The following FBXL7 variants were observed in gnomAD, a reference collection of about 807,000 sequenced individuals.
FBXL7 encodes F-box/LRR-repeat protein 7.
In FBXL7, 12 loss-of-function variants were observed where a neutral mutation model predicts 38.3. That is an observed-to-expected ratio of 0.31 (90% CI 0.20 to 0.51). The LOEUF (loss-of-function observed/expected upper bound fraction) is 0.51. FBXL7 is among the 20% of genes least tolerant of loss of function. FBXL7 has a pLI of 0.98. For missense variants in FBXL7, 567 were observed against 676.4 expected, an observed-to-expected ratio of 0.84 and a Z score of 1.79; for synonymous variants, 297 against 300.9, an observed-to-expected ratio of 0.99 and a Z score of 0.13.
chr5:15,745,831 GA>G, intron 2 of FBXL7, among the ~76,000 whole-genome samples: 1 of 152,292 alleles, frequency 6.6e-6, no homozygotes, highest in East Asian at 1.9e-4. Flanking sequence ...CTGTATGATG[GA>G]ATCCATTGGA....
chr5:15,553,254 A>T (rs1257744155), intron 1 of FBXL7, among the ~76,000 whole-genome samples: 4 of 152,132 alleles, frequency 2.6e-5, no homozygotes, highest in Non-Finnish European at 5.9e-5. Flanking sequence ...CTTATTTACC[A>T]TATGCCTTCT....
At chr5:15,730,844 A>C (rs1735561152) in intron 2 of FBXL7, among the ~76,000 whole-genome samples, 1 of 152,224 alleles carries the variant, frequency 6.6e-6, no homozygotes, top group African/African-American at 2.4e-5. Context: ...AAATATTGTT[A>C]TCATGGATGA....
At chr5:15,712,510 AGT>A (rs1356274691) in intron 2 of FBXL7, among the ~76,000 whole-genome samples, 2 of 152,124 alleles carry the variant, frequency 1.3e-5, no homozygotes, top group Non-Finnish European at 2.9e-5. Context: ...TATATTTTGA[AGT>A]GTTGCATTAA....
intron 2 of FBXL7, among the ~76,000 whole-genome samples, chr5:15,851,081 G>A (rs1739079819): frequency 6.6e-6 from 1 of 152,164 alleles, no homozygotes; most frequent in Admixed American, 6.5e-5. Context: ...TTGATAGACA[G>A]CATTGCTTGT....
At chr5:15,869,919 G>C (rs1739880072) in intron 2 of FBXL7, among the ~76,000 whole-genome samples, 1 of 152,064 alleles carries the variant, frequency 6.6e-6, no homozygotes, top group African/African-American at 2.4e-5. Flanking sequence ...AGACCAGCCT[G>C]GGCAACATGA....
At chr5:15,570,161 A>T (rs1738726429) in intron 1 of FBXL7, among the ~76,000 whole-genome samples, 1 of 152,312 alleles carries the variant, frequency 6.6e-6, no homozygotes, top group Admixed American at 6.5e-5. Context: ...TTTCAGAAGG[A>T]ATGGTACCAG....
chr5:15,644,258 AG>A (rs1741458267), intron 2 of FBXL7, among the ~76,000 whole-genome samples: 1 of 150,854 alleles, frequency 6.6e-6, no homozygotes, highest in African/African-American at 2.4e-5. Context: ...CAGGCATTCA[AG>A]ACCAGCCTGG....
chr5:15,569,758 T>C (rs557015794), intron 1 of FBXL7, among the ~76,000 whole-genome samples: 46 of 152,300 alleles, frequency 3.0e-4, no homozygotes, highest in Non-Finnish European at 5.1e-4. Flanking sequence ...ATTTTAGATA[T>C]GTCCCATCAA....
intron 2 of FBXL7, among the ~76,000 whole-genome samples, chr5:15,906,405 TA>T: frequency 6.6e-6 from 1 of 151,168 alleles, no homozygotes; most frequent in East Asian, 1.9e-4. Flanking sequence ...CCCCATTCTA[TA>T]GAGCTATTTT....
At chr5:15,816,960 G>A (rs770144709) in intron 2 of FBXL7, among the ~76,000 whole-genome samples, 50 of 152,094 alleles carry the variant, frequency 3.3e-4, no homozygotes, top group Middle Eastern at 3.2e-3. Flanking sequence ...ACACCTCTCC[G>A]AATTTCTGTG....
intron 2 of FBXL7, among the ~76,000 whole-genome samples, chr5:15,621,369 G>A (rs1037588527): frequency 1.8e-4 from 28 of 152,236 alleles, no homozygotes; most frequent in Middle Eastern, 3.4e-3. Context: ...GTAAGACACA[G>A]CTTAATTCTT....
chr5:15,779,061 G>A (rs77294437), intron 2 of FBXL7, among the ~76,000 whole-genome samples: 1,708 of 152,070 alleles, frequency 0.011, 15 homozygotes, highest in Non-Finnish European at 0.017. Flanking sequence ...TGACATATAC[G>A]CTTAGGATGG....
chr5:15,770,461 A>G (rs1736700308), intron 2 of FBXL7, among the ~76,000 whole-genome samples: 2 of 152,204 alleles, frequency 1.3e-5, no homozygotes, highest in Non-Finnish European at 2.9e-5. Flanking sequence ...GAATACAGCT[A>G]TGGTGAGTGG....
intron 2 of FBXL7, among the ~76,000 whole-genome samples, chr5:15,915,366 T>A (rs1355771381): frequency 6.6e-6 from 1 of 152,178 alleles, no homozygotes; most frequent in Admixed American, 6.5e-5. Flanking sequence ...TAGGATCCTT[T>A]CTTGCTTCTT....
At chr5:15,560,444 C>A (rs924717305) in intron 1 of FBXL7, among the ~76,000 whole-genome samples, 2 of 152,290 alleles carry the variant, frequency 1.3e-5, no homozygotes, top group South Asian at 2.1e-4. Flanking sequence ...TTCAGAACTA[C>A]AAATGGTTCC....
At chr5:15,760,217 A>G (rs1736401567) in intron 2 of FBXL7, among the ~76,000 whole-genome samples, 2 of 152,126 alleles carry the variant, frequency 1.3e-5, no homozygotes, top group Non-Finnish European at 2.9e-5. Context: ...TTTTATACCC[A>G]TTGTGCACAC....
At chr5:15,533,886 A>C (rs1206635197) in intron 1 of FBXL7, among the ~76,000 whole-genome samples, 1 of 152,224 alleles carries the variant, frequency 6.6e-6, no homozygotes, top group African/African-American at 2.4e-5. Flanking sequence ...GAGGCAAAGA[A>C]GGATGCTTTG....
chr5:15,578,322 A>G (rs1339341317), intron 1 of FBXL7, among the ~76,000 whole-genome samples: 1 of 152,196 alleles, frequency 6.6e-6, no homozygotes, highest in Non-Finnish European at 1.5e-5. Flanking sequence ...TATTGAAAAA[A>G]AAATCCCCTT....
chr5:15,870,064 T>G (rs1052357381), intron 2 of FBXL7, among the ~76,000 whole-genome samples: 4 of 152,144 alleles, frequency 2.6e-5, no homozygotes, highest in Admixed American at 1.3e-4. Context: ...GATCCGCGAT[T>G]GCACCACTGT....
Sources: allele counts gnomAD v4.1 joint callset (sites outside exome capture counted in the v4.1 genomes callset), GRCh38; gene constraint gnomAD v4.1.1; transcripts MANE v1.5; gene names NCBI Gene and HGNC (gene_info 2026-07-23, HGNC 2026-07-21).